The following RNF157 variants were observed in gnomAD, a reference collection of about 807,000 sequenced individuals.
RNF157 encodes the protein E3 ubiquitin ligase RNF157.
Under a neutral mutation model 88.3 loss-of-function variants are expected in RNF157, and 55 were observed. The observed-to-expected ratio is 0.62, with a 90% CI of 0.50 to 0.78. RNF157 has a LOEUF of 0.78. RNF157 is among the 30% of genes least tolerant of loss of function. RNF157 has a pLI of 0.00. For missense variants in RNF157, 788 were observed against 860.8 expected (o/e 0.92, Z 1.06); for synonymous variants, 334 against 341.2 (o/e 0.98, Z 0.23).
intron 1 of RNF157, among the ~76,000 whole-genome samples, chr17:76,237,460 G>A (rs974217074): frequency 1.3e-5 from 2 of 152,196 alleles, no homozygotes; most frequent in African/African-American, 4.8e-5. Flanking sequence ...TAGTACTCAG[G>A]ATAAGGAGAC....
chr17:76,196,135 A>G (rs2069474113), intron 2 of RNF157, among the ~76,000 whole-genome samples: 1 of 152,214 alleles, frequency 6.6e-6, no homozygotes, highest in Admixed American at 6.5e-5. Flanking sequence ...CAGAGCTGTA[A>G]CACTGCCGCC....
chr17:76,212,508 C>G, intron 1 of RNF157, 26 bp from the exon 2 acceptor site: 1 of 1,379,056 alleles, frequency 7.3e-7, no homozygotes, highest in Non-Finnish European at 1.0e-6. Flanking sequence ...CAAAAAAAAT[C>G]AAACAAGCAG....
Position 76,161,472 on chromosome 17 carries a change from A to G in RNF157, c.1065+63T>C. The G allele has an allele frequency of 1.6e-6, 2 of 1,235,670 alleles. No homozygotes were observed. Among genetic ancestry groups the G allele is most frequent in the East Asian group, 2.3e-5 (1 of 43,126 alleles). 76.5% of individuals were successfully genotyped at this position (1,235,670 alleles called of 1,614,324 possible). Reference sequence around the variant, plus strand: ...TGCAATGCCACGTAGAGAAGCATGAAAAGTTTAAAAAAGCCAATGAGGCAT... The same window carrying G: ...TGCAATGCCACGTAGAGAAGCATGAGAAGTTTAAAAAAGCCAATGAGGCAT... On this transcript the variant is annotated intron_variant, in intron 11 of 18. Transcript: ENST00000269391. This position sits in a 1 kb window ranked among gnomAD's most constrained non-coding sequence, Gnocchi z 4.6.
rs552641325 is a variant in RNF157 at position 76,195,845 on chromosome 17, G to A, written c.207+16519C>T. Among the ~76,000 whole-genome samples the A allele has an allele frequency of 6.6e-6, 1 of 152,274 alleles. No homozygotes were observed. The highest frequency in any genetic ancestry group is 1.9e-4 in the East Asian group (1 of 5,178). On this transcript the variant is annotated intron_variant, in intron 2 of 18. Transcript: ENST00000269391. The surrounding 1 kb of genome is among the most constrained non-coding windows in gnomAD (Gnocchi z 4.4). Reference sequence around the variant, plus strand: ...TTGAGCACAAGCTAAAACAGGGACTGGGCAGAAGCAGCTTTCCATAAGATA... The same window carrying A: ...TTGAGCACAAGCTAAAACAGGGACTAGGCAGAAGCAGCTTTCCATAAGATA...
At chr17:76,166,300 A>C (rs1397897382) in intron 6 of RNF157, among the ~76,000 whole-genome samples, 161 bp downstream of exon 6, 1 of 152,170 alleles carries the variant, frequency 6.6e-6, no homozygotes, top group Non-Finnish European at 1.5e-5. Flanking sequence ...ACATCAGCCC[A>C]GGAGCTTGGA....
In RNF157 at chr17:76,152,494, G is replaced by C. The variant is rs1410042022; in HGVS notation, c.1811-29C>G. 4.2e-6 allele frequency: 6 copies of C among 1,413,148 alleles called. No individual in the cohort carries two copies. The African/African-American group carries it at 8.5e-5, about 20-fold the overall frequency. The allele number at this position is 1,413,148 out of a possible 1,614,324, so 87.5% of individuals were successfully genotyped here. A position where few individuals can be genotyped will look rare whatever the true frequency, so the allele number is the denominator to read the frequency against. On this transcript the variant is annotated intron_variant, in intron 17 of 18. Transcript: ENST00000269391. The stretch of plus-strand genomic sequence containing the variant: ...TAACGGAGTTAATGCAGTTAGAGAG[G>C]GGCTGGCTGTGTTTTTCTCTGCGTT...
chr17:76,227,416 T>C (rs1298542323), intron 1 of RNF157, among the ~76,000 whole-genome samples: 2 of 151,828 alleles, frequency 1.3e-5, no homozygotes, highest in South Asian at 2.1e-4. Flanking sequence ...TCACTGCGCC[T>C]GGCCTATAAT....
At chr17:76,190,163 G>GCT (rs145686252) in intron 2 of RNF157, among the ~76,000 whole-genome samples, 24 of 148,640 alleles carry the variant, frequency 1.6e-4, no homozygotes, top group African/African-American at 5.9e-4. Context: ...CTAACTGCTT[G>GCT]CTCTCTCTTT....
In RNF157 at chr17:76,176,162, G is replaced by A. The variant is rs767141044; in HGVS notation, c.208-2372C>T. Reference sequence around the variant, plus strand: ...GTAAGGAGAGATTGAAAACCAAGAAGATAAGGCCCTGCTCTTTCAGGAAGC... The same window carrying A: ...GTAAGGAGAGATTGAAAACCAAGAAAATAAGGCCCTGCTCTTTCAGGAAGC... On this transcript the variant is annotated intron_variant, in intron 2 of 18. Coordinates refer to ENST00000269391, the MANE Select transcript of RNF157 (RefSeq NM_052916.3). The surrounding 1 kb of genome is among the most constrained non-coding windows in gnomAD (Gnocchi z 4.2). Among the ~76,000 whole-genome samples, 2 of 152,190 alleles carry A rather than the reference G, an allele frequency of 1.3e-5. No individual in the cohort carries two copies. Among genetic ancestry groups the A allele is most frequent in the Non-Finnish European group, 2.9e-5 (2 of 68,032 alleles).
chr17:76,238,353 A>G (rs1221022153), intron 1 of RNF157, among the ~76,000 whole-genome samples: 1 of 152,258 alleles, frequency 6.6e-6, no homozygotes, highest in African/African-American at 2.4e-5. Context: ...CACTTGCTAT[A>G]AAGACTTCTC....
intron 2 of RNF157, among the ~76,000 whole-genome samples, chr17:76,185,767 C>T (rs2069276977): frequency 6.6e-6 from 1 of 152,156 alleles, no homozygotes; most frequent in Non-Finnish European, 1.5e-5. Context: ...CCGCGCCCGG[C>T]CGAGATTACT....
intron 2 of RNF157, among the ~76,000 whole-genome samples, chr17:76,203,434 T>C (rs1180462409): frequency 6.6e-6 from 1 of 150,892 alleles, no homozygotes; most frequent in African/African-American, 2.5e-5. Flanking sequence ...TTTACTGCCA[T>C]AGAAGGAAAA....
Position 76,167,100 on chromosome 17 carries a change from T to C in RNF157, c.470A>G (p.Gln157Arg). ...ASYIPKDNSL[Q>R]SETVQYKRGV... ...TCGCTTGTACTGCACAGTCTCCGAC[T>C]GGAGGCTGTTGTCTTTGGGAATGTA... Residue 157 changes from glutamine to arginine, a missense_variant, in exon 5 of 19, where the codon CAG (glutamine) becomes CGG (arginine). Physicochemically the swap from Gln to Arg is conservative, Grantham distance 43. Coordinates refer to ENST00000269391, the MANE Select transcript of RNF157 (RefSeq NM_052916.3). 1 of 1,612,434 alleles carries C rather than the reference T, an allele frequency of 6.2e-7. No individual in the cohort carries two copies. The highest frequency in any genetic ancestry group is 8.5e-7 in the Non-Finnish European group (1 of 1,179,510).
Position 76,240,331 on chromosome 17 carries a change from G to A in RNF157, c.-91C>T, listed in dbSNP as rs952079280. Reference sequence around the variant, plus strand: ...CCGCCCGCCCCGCGCCCGGTGCGGGGGCCGACTGCCCGCCGCGGCCGGCTC... The same window carrying A: ...CCGCCCGCCCCGCGCCCGGTGCGGGAGCCGACTGCCCGCCGCGGCCGGCTC... On this transcript the variant is annotated 5_prime_UTR_variant, in exon 1 of 19. Transcript: ENST00000269391. This position sits in a 1 kb window ranked among gnomAD's most constrained non-coding sequence, Gnocchi z 4.4. 4.9e-4 allele frequency: 252 copies of A among 510,126 alleles called. 3 individuals carry two copies. The highest frequency in any genetic ancestry group is 4.6e-4 in the East Asian group (3 of 6,492). 31.6% of individuals were successfully genotyped at this position (510,126 alleles called of 1,614,324 possible).
chr17:76,182,760 C>T (rs1241329493), intron 2 of RNF157, among the ~76,000 whole-genome samples: 1 of 93,344 alleles, frequency 1.1e-5, no homozygotes, highest in Non-Finnish European at 1.9e-5. Context: ...GGCCTCGTCT[C>T]ATATATATAT....
At chr17:76,235,924 G>A (rs1343181101) in intron 1 of RNF157, among the ~76,000 whole-genome samples, 4 of 152,128 alleles carry the variant, frequency 2.6e-5, no homozygotes, top group Admixed American at 6.5e-5. Context: ...CAGGAAGATC[G>A]CTTGAGCCCA....
chr17:76,155,725 C>G lies in RNF157; in HGVS notation c.1535G>C (p.Ser512Thr). The G allele has an allele frequency of 3.8e-6, 6 of 1,570,288 alleles. No homozygotes were observed. Among genetic ancestry groups the G allele is most frequent in the Non-Finnish European group, 5.2e-6 (6 of 1,158,278 alleles). ...CATGACAGACTGGGCCAAGCTGCTG[C>G]TGGCAGGGCCTTTGGAGACAGGGGA... ...STISSPEGPA[S>T]SSLAQSVMSM... is the part of the protein sequence containing the mutation. Residue 512 changes from serine (S) to threonine (T), a missense_variant, in exon 15 of 19, where the codon AGC (serine) becomes ACC (threonine). Coordinates refer to ENST00000269391, the MANE Select transcript of RNF157 (RefSeq NM_052916.3).
At position 76,203,126 on chromosome 17, in the gene RNF157, G is replaced by C. The variant is rs182738295; in HGVS notation, c.207+9238C>G. Among the ~76,000 whole-genome samples the C allele has an allele frequency of 1.9e-3, 283 of 152,180 alleles. 3 individuals carry two copies. The highest frequency in any genetic ancestry group is 1.7e-3 in the East Asian group (9 of 5,148). The stretch of plus-strand genomic sequence containing the variant: ...ATGCCTCAGCCTCCCAAGCGGCTGG[G>C]ATTACAGGCATGCACCACCATGCCT... On this transcript the variant is annotated intron_variant, in intron 2 of 18. Coordinates refer to ENST00000269391, the MANE Select transcript of RNF157 (RefSeq NM_052916.3).
chr17:76,159,338 G>A lies in RNF157; in HGVS notation c.1301C>T (p.Ser434Phe), dbSNP rs1568027949. The A allele has an allele frequency of 6.2e-7, 1 of 1,612,600 alleles. No homozygotes were observed. ...SQGLKLKKSLSKSTSQNSSVL... is the reference protein window; with the variant it reads ...SQGLKLKKSLFKSTSQNSSVL... The stretch of plus-strand genomic sequence containing the variant: ...GTGTGGAGCACTGGCTACTCACTTG[G>A]AGAGACTCTTTTTGAGTTTGAGTCC... Residue 434 changes from serine (S) to phenylalanine (F), a missense_variant, in exon 12 of 19, where the codon TCC becomes TTC. Ser to Phe is a radical substitution (Grantham distance 155). Transcript: ENST00000269391.
Sources: allele counts gnomAD v4.1 joint callset (sites outside exome capture counted in the v4.1 genomes callset), GRCh38; gene constraint gnomAD v4.1.1; non-coding constraint Gnocchi (gnomAD v3.1); transcripts MANE v1.5; gene names NCBI Gene and HGNC (gene_info 2026-07-23, HGNC 2026-07-21).